DPP6: variants seen among roughly 807,000 people sequenced by gnomAD.
DPP6 encodes the protein dipeptidyl peptidase like 6.
Under a neutral mutation model 122.6 loss-of-function variants are expected in DPP6, and 69 were observed. The observed-to-expected ratio is 0.56, with a 90% CI of 0.46 to 0.69. The LOEUF is 0.69. Ranked by LOEUF, DPP6 falls within the 30% of genes least tolerant of loss-of-function variation. The pLI is 0.00. For synonymous variants in DPP6, 418 were observed against 433.1 expected (o/e 0.97, Z 0.43); for missense variants, 928 against 1,116.9 (o/e 0.83, Z 2.41).
intron 1 of DPP6, among the ~76,000 whole-genome samples, chr7:154,187,533 A>G (rs982363360): frequency 1.3e-5 from 2 of 152,198 alleles, no homozygotes; most frequent in East Asian, 3.8e-4. Context: ...TAAATTTACA[A>G]CAGCAAGAAA....
Position 154,892,324 on chromosome 7 carries a change from T to C in DPP6, c.2452-10T>C. 1 of 1,613,998 alleles carries C rather than the reference T, an allele frequency of 6.2e-7. No homozygotes were observed. ...CCTGGGAGAGTAATTTCTCCGTGCC[T>C]TCCTTGCAGATTTACCCGGACGAAA... On this transcript the variant is annotated splice_polypyrimidine_tract_variant and intron_variant, in intron 25 of 25. Transcript: ENST00000377770.
At chr7:154,873,646 C>T (rs965432709) in intron 19 of DPP6, among the ~76,000 whole-genome samples, 4 of 152,176 alleles carry the variant, frequency 2.6e-5, no homozygotes, top group African/African-American at 9.7e-5. Flanking sequence ...ATTCCAATAG[C>T]TGATTCCGTT....
the DPP6 span, among the ~76,000 whole-genome samples, chr7:153,838,627 C>A: frequency 6.6e-6 from 1 of 152,090 alleles, no homozygotes. Flanking sequence ...TAACAGAAAC[C>A]AAGTTAAGAG....
chr7:154,741,698 A>C (rs549374957), intron 8 of DPP6, among the ~76,000 whole-genome samples: 2 of 152,246 alleles, frequency 1.3e-5, no homozygotes, highest in South Asian at 4.2e-4. Flanking sequence ...ATCCAACCCT[A>C]AGGACAAGGC....
At chr7:153,949,751 G>A (rs974238576) in intron 1 of DPP6, among the ~76,000 whole-genome samples, 8 of 152,232 alleles carry the variant, frequency 5.3e-5, no homozygotes, top group African/African-American at 1.9e-4. Flanking sequence ...ACTGCAAGGG[G>A]CAAAGAGACA....
At chr7:154,087,142 G>T (rs1173202818) in intron 1 of DPP6, among the ~76,000 whole-genome samples, 2 of 151,352 alleles carry the variant, frequency 1.3e-5, no homozygotes, top group Non-Finnish European at 2.9e-5. Context: ...AGAGAACATT[G>T]TTCATGCAAA....
intron 1 of DPP6, among the ~76,000 whole-genome samples, chr7:154,165,331 T>C (rs1797193394): frequency 7.0e-6 from 1 of 142,536 alleles, no homozygotes; most frequent in East Asian, 2.0e-4. Flanking sequence ...ACAAAGGACA[T>C]GAACTCATCA....
the DPP6 span, among the ~76,000 whole-genome samples, chr7:153,786,740 G>GGAAAAA: frequency 9.4e-5 from 3 of 31,804 alleles, 1 homozygote; most frequent in African/African-American, 3.1e-4. Context: ...CTCCGTCTCA[G>GGAAAAA]AAAAAAAAAA....
At chr7:153,942,538 T>A (rs1343522443) in intron 1 of DPP6, among the ~76,000 whole-genome samples, 6 of 152,016 alleles carry the variant, frequency 3.9e-5, no homozygotes, top group African/African-American at 1.4e-4. Flanking sequence ...AGGTCAGTAA[T>A]GGGGAGGAGA....
Position 154,889,541 on chromosome 7 carries a change from C to T in DPP6, c.2451+11C>T. 1.2e-6 allele frequency: 2 copies of T among 1,602,232 alleles called. No homozygotes were observed. The highest frequency in any genetic ancestry group is 1.7e-6 in the Non-Finnish European group (2 of 1,174,298). ...AATTACAGCTTACAGGTACAGTACGCATGTTACTCTGTTTTGAACCTGGAG... is the reference window on the plus strand; with the variant it reads ...AATTACAGCTTACAGGTACAGTACGTATGTTACTCTGTTTTGAACCTGGAG... On this transcript the variant is annotated intron_variant, in intron 25 of 25. Coordinates refer to ENST00000377770, the MANE Select transcript of DPP6 (RefSeq NM_130797.4).
At chr7:154,448,414 A>T (rs971220152) in intron 2 of DPP6, among the ~76,000 whole-genome samples, 2 of 152,194 alleles carry the variant, frequency 1.3e-5, no homozygotes, top group Non-Finnish European at 2.9e-5. Context: ...TACAAAACAA[A>T]ATGGAAAGAA....
intron 1 of DPP6, among the ~76,000 whole-genome samples, chr7:153,997,636 A>G (rs1333673369): frequency 8.1e-6 from 1 of 123,300 alleles, no homozygotes; most frequent in Non-Finnish European, 1.8e-5. Context: ...ATTCAAACTG[A>G]GAATGCTCAT....
chr7:153,867,890 A>T, the DPP6 span, among the ~76,000 whole-genome samples: 1 of 152,014 alleles, frequency 6.6e-6, no homozygotes, highest in African/African-American at 2.4e-5. Flanking sequence ...AAGGCCTTTT[A>T]TGCATCTATT....
the DPP6 span, among the ~76,000 whole-genome samples, chr7:153,765,253 C>G: frequency 3.3e-5 from 5 of 152,140 alleles, no homozygotes; most frequent in African/African-American, 1.2e-4. Context: ...TTTTGGTGCC[C>G]GGGCCGGGTG....
intron 5 of DPP6, among the ~76,000 whole-genome samples, chr7:154,614,395 T>C (rs544574800): frequency 7.9e-5 from 12 of 151,268 alleles, no homozygotes; most frequent in Non-Finnish European, 1.0e-4. Context: ...TCTGTTTGCA[T>C]TTTTTCTTCT....
chr7:154,630,925 C>T (rs913086631), intron 5 of DPP6, among the ~76,000 whole-genome samples: 12 of 152,102 alleles, frequency 7.9e-5, no homozygotes, highest in Non-Finnish European at 1.5e-5. Flanking sequence ...ACATTCTGTA[C>T]ATGTCCCAGA....
chr7:154,305,519 G>A (rs1401432607), intron 1 of DPP6: 7 of 1,604,520 alleles, frequency 4.4e-6, no homozygotes, highest in Non-Finnish European at 3.4e-6. Context: ...GGAGCCAAGC[G>A]CTTCGGGGAA....
intron 3 of DPP6, among the ~76,000 whole-genome samples, chr7:154,502,900 T>A (rs1825369283): frequency 6.6e-6 from 1 of 152,194 alleles, no homozygotes; most frequent in African/African-American, 2.4e-5. Flanking sequence ...AAGAGTCTTT[T>A]AAAGACTCTA....
chr7:154,426,342 G>A (rs756375736), intron 1 of DPP6, among the ~76,000 whole-genome samples: 1 of 152,158 alleles, frequency 6.6e-6, no homozygotes, highest in African/African-American at 2.4e-5. Context: ...GTCTACATTC[G>A]AAAGAACTTT....
Sources: allele counts gnomAD v4.1 joint callset (sites outside exome capture counted in the v4.1 genomes callset), GRCh38; gene constraint gnomAD v4.1.1; transcripts MANE v1.5; gene names NCBI Gene and HGNC (gene_info 2026-07-23, HGNC 2026-07-21).